FAM168A: variants seen among roughly 807,000 people sequenced by gnomAD.
FAM168A encodes the protein family with sequence similarity 168 member A.
FAM168A carries 3 observed loss-of-function variants against 28.5 expected under a neutral mutation model. The observed-to-expected ratio is 0.11, with a 90% CI of 0.05 to 0.27. FAM168A has a LOEUF of 0.27. Among genes scored for constraint, FAM168A ranks in the 10% least tolerant of loss-of-function variants. The probability of loss-of-function intolerance (pLI) is 1.00; values close to 1 mark genes in which losing one functional copy is unlikely to be tolerated. For synonymous variants in FAM168A, 122 were observed against 124.2 expected (o/e 0.98, Z 0.12); for missense variants, 222 against 311.5 (o/e 0.71, Z 2.16).
intron 1 of FAM168A, chr11:73,510,806 T>C (rs1855208961): frequency 5.4e-6 from 2 of 372,898 alleles, no homozygotes; most frequent in Admixed American, 4.6e-5. Context: ...ATATTTACAG[T>C]AGGAATGGAC....
chr11:73,510,322 A>AAT (rs1855196394), intron 1 of FAM168A, among the ~76,000 whole-genome samples: 1 of 152,184 alleles, frequency 6.6e-6, no homozygotes, highest in South Asian at 2.1e-4. Context: ...GATAAGGCGT[A>AAT]ATCTCTGTCC....
chr11:73,505,365 T>C (rs1246039788), intron 1 of FAM168A, among the ~76,000 whole-genome samples: 1 of 152,134 alleles, frequency 6.6e-6, no homozygotes, highest in Non-Finnish European at 1.5e-5. Context: ...GTTTCTCACC[T>C]GTAAAATGAC....
At chr11:73,579,115 T>C (rs1028462428) in intron 1 of FAM168A, among the ~76,000 whole-genome samples, 1 of 152,136 alleles carries the variant, frequency 6.6e-6, no homozygotes, top group South Asian at 2.1e-4. Flanking sequence ...TCTCTTCTTA[T>C]ACAGGCACTT....
chr11:73,444,845 A>C (rs1297698199), intron 2 of FAM168A, among the ~76,000 whole-genome samples: 14 of 152,246 alleles, frequency 9.2e-5, no homozygotes, highest in Non-Finnish European at 1.5e-5. Flanking sequence ...AAAGACCTAG[A>C]AAAACAGATA....
At chr11:73,541,774 G>A (rs765296724) in intron 1 of FAM168A, among the ~76,000 whole-genome samples, 1 of 152,158 alleles carries the variant, frequency 6.6e-6, no homozygotes, top group African/African-American at 2.4e-5. Flanking sequence ...AATGCTTTGT[G>A]TAAACTATAA....
At chr11:73,585,377 G>A (rs1015639520) in intron 1 of FAM168A, among the ~76,000 whole-genome samples, 1 of 152,036 alleles carries the variant, frequency 6.6e-6, no homozygotes, top group African/African-American at 2.4e-5. Flanking sequence ...CCTTTTAAAG[G>A]TTACAAAAAT....
At chr11:73,421,604 T>A (rs1360536039) in intron 3 of FAM168A, among the ~76,000 whole-genome samples, 3 of 133,316 alleles carry the variant, frequency 2.3e-5, no homozygotes, top group African/African-American at 1.1e-4. Flanking sequence ...TCATTTTGCG[T>A]TTCTTTTCTT....
chr11:73,551,434 T>C (rs1216229549), intron 1 of FAM168A, among the ~76,000 whole-genome samples: 7 of 152,354 alleles, frequency 4.6e-5, no homozygotes, highest in African/African-American at 1.4e-4. Flanking sequence ...TCCATTCGTC[T>C]ATGCCTCTCA....
At chr11:73,459,195 C>T (rs1867596745) in intron 2 of FAM168A, among the ~76,000 whole-genome samples, 2 of 151,938 alleles carry the variant, frequency 1.3e-5, no homozygotes, top group African/African-American at 4.8e-5. Flanking sequence ...GCAACCCTCC[C>T]ACCTCAGCCT....
rs180940422 is a variant in FAM168A, at chr11:73,588,141, C to G, written c.-19+9782G>C. Reference sequence around the variant, plus strand: ...TTGTGCAATTGAGTTGCAAACTGTACTGGCTGCTTTAATAAACACCATTTT... The same window carrying G: ...TTGTGCAATTGAGTTGCAAACTGTAGTGGCTGCTTTAATAAACACCATTTT... On this transcript the variant is annotated intron_variant, in intron 1 of 7. Coordinates refer to ENST00000356467, the MANE Select transcript of FAM168A (RefSeq NM_015159.3). 2.0e-3 allele frequency among the ~76,000 whole-genome samples: 308 copies of G among 152,274 alleles called. 3 individuals are homozygous for G. The highest frequency in any genetic ancestry group is 3.2e-3 in the Non-Finnish European group (220 of 68,012).
intron 1 of FAM168A, among the ~76,000 whole-genome samples, chr11:73,517,412 A>G: frequency 6.6e-6 from 1 of 152,078 alleles, no homozygotes. Flanking sequence ...TCATGCAGCT[A>G]GTCGAGAATC....
At chr11:73,528,293 C>T (rs975101987) in intron 1 of FAM168A, among the ~76,000 whole-genome samples, 1 of 152,102 alleles carries the variant, frequency 6.6e-6, no homozygotes, top group African/African-American at 2.4e-5. Context: ...GCATTCCTAG[C>T]CTCCAGATGT....
chr11:73,516,707 G>A lies in FAM168A; in HGVS notation c.-18-48215C>T, dbSNP rs536551378. On this transcript the variant is annotated intron_variant, in intron 1 of 7. Transcript: ENST00000356467. The stretch of plus-strand genomic sequence containing the variant: ...TAGATTTTGAGTGTCTCTAGGCAGA[G>A]TGTCTCATGGGCAATTCACTTCTAA... Among the ~76,000 whole-genome samples, 6 of 152,310 alleles carry A rather than the reference G, an allele frequency of 3.9e-5. No individual in the cohort carries two copies. In the South Asian group the frequency reaches 1.0e-3, roughly 26 times the overall value.
At chr11:73,597,664 C>T (rs537782313) in intron 1 of FAM168A, among the ~76,000 whole-genome samples, 22 of 151,902 alleles carry the variant, frequency 1.4e-4, no homozygotes, top group African/African-American at 5.3e-4. Context: ...ACCCCACTCT[C>T]CTGTCCCAGG....
intron 2 of FAM168A, among the ~76,000 whole-genome samples, chr11:73,442,975 T>TATATATAC: frequency 8.5e-6 from 1 of 118,002 alleles, no homozygotes; most frequent in South Asian, 2.7e-4. Flanking sequence ...TATATATATA[T>TATATATAC]ATATATATAT....
intron 2 of FAM168A, among the ~76,000 whole-genome samples, chr11:73,445,784 G>A (rs192016525): frequency 6.6e-6 from 1 of 152,150 alleles, no homozygotes; most frequent in Non-Finnish European, 1.5e-5. Flanking sequence ...CTACCATTAG[G>A]TTACTATATG....
intron 1 of FAM168A, among the ~76,000 whole-genome samples, chr11:73,563,063 T>A (rs1943977839): frequency 6.6e-6 from 1 of 152,188 alleles, no homozygotes. Flanking sequence ...AGTGATGCAA[T>A]GGATTAGTGA....
chr11:73,405,565 G>T lies in FAM168A; in HGVS notation c.*1198C>A, dbSNP rs117687430. Reference sequence around the variant, plus strand: ...TTCCTCATCTGCCAAATAGGGAAATGGATGAGATGATTGCTAAGGTCCCTT... The same window carrying T: ...TTCCTCATCTGCCAAATAGGGAAATTGATGAGATGATTGCTAAGGTCCCTT... On this transcript the variant is annotated 3_prime_UTR_variant, in exon 8 of 8. Coordinates refer to ENST00000356467, the MANE Select transcript of FAM168A (RefSeq NM_015159.3). 3,827 of 152,370 alleles carry T rather than the reference G, an allele frequency of 0.025. 56 individuals carry two copies. Among genetic ancestry groups the T allele is most frequent in the Non-Finnish European group, 0.04 (2,741 of 68,064 alleles). 9.4% of individuals were successfully genotyped at this position (152,370 alleles called of 1,614,324 possible).
chr11:73,506,933 C>T (rs1855127266), intron 1 of FAM168A, among the ~76,000 whole-genome samples: 1 of 152,086 alleles, frequency 6.6e-6, no homozygotes, highest in Non-Finnish European at 1.5e-5. Flanking sequence ...TAAGTTCCTA[C>T]TAAAACAAAC....
Sources: allele counts gnomAD v4.1 joint callset (sites outside exome capture counted in the v4.1 genomes callset), GRCh38; gene constraint gnomAD v4.1.1; transcripts MANE v1.5; gene names NCBI Gene and HGNC (gene_info 2026-07-23, HGNC 2026-07-21).